SETD5: variants seen among roughly 807,000 people sequenced by gnomAD.
SETD5 encodes histone-lysine N-methyltransferase SETD5.
Under a neutral mutation model 153.3 loss-of-function variants are expected in SETD5, and 44 were observed. The ratio of observed to expected loss-of-function variants is 0.29; its 90% CI spans 0.23 to 0.37. The LOEUF is 0.37. SETD5 is among the 10% of genes least tolerant of loss of function. The pLI, the probability that SETD5 is intolerant of heterozygous loss-of-function variation, is 1.00. For missense variants in SETD5, 1,544 were observed against 1,768.0 expected, an observed-to-expected ratio of 0.87 and a Z score of 2.27; for synonymous variants, 716 against 645.2, an observed-to-expected ratio of 1.11 and a Z score of -1.66.
intron 2 of SETD5, among the ~76,000 whole-genome samples, chr3:9,426,859 A>G (rs1323305794): frequency 1.3e-5 from 2 of 152,088 alleles, no homozygotes; most frequent in Non-Finnish European, 2.9e-5. Context: ...CAGCCCAGCT[A>G]TATGTCACCT....
Position 9,475,613 on chromosome 3 carries a change from C to G in SETD5, c.3851C>G (p.Pro1284Arg). ...ACTACTGCACTGAGACCTGGAAACC[C>G]CCCCTCTCACGGTTCTTCAGAATCA... is the stretch of plus-strand genomic sequence containing the variant. ...YRTTALRPGN[P>R]PSHGSSESSL... Residue 1284 changes from proline (P) to arginine (R), a missense_variant, in exon 23 of 23, where the codon CCC (proline) becomes CGC (arginine). Transcript: ENST00000402198. 6.2e-7 allele frequency: 1 copy of G among 1,613,912 alleles called. No homozygotes were observed. The highest frequency in any genetic ancestry group is 8.5e-7 in the Non-Finnish European group (1 of 1,179,864).
intron 1 of SETD5, among the ~76,000 whole-genome samples, chr3:9,416,489 C>G (rs1335650867): frequency 6.6e-6 from 1 of 152,096 alleles, no homozygotes; most frequent in African/African-American, 2.4e-5. Flanking sequence ...TCAACAAACT[C>G]GTGTCATAAA....
rs769555032 is a variant in SETD5, at chr3:9,447,235, T to C, written c.1710T>C (p.Ser570=). 9 of 1,613,930 alleles carry C rather than the reference T, an allele frequency of 5.6e-6. No individual in the cohort carries two copies. The highest frequency in any genetic ancestry group is 3.3e-5 in the Admixed American group (2 of 60,004). Residue 570 remains serine, a synonymous_variant, in exon 14 of 23, where the codon TCT becomes TCC. Transcript: ENST00000402198. ...CCCCTGAATCTGAAGTTAGCAACTC[T>C]GTTTCAAATGTTACCATCCCAAGCA... is the stretch of plus-strand genomic sequence containing the variant. ...TEAPESEVSN[S]VSNVTIPSTP...
intron 7 of SETD5, among the ~76,000 whole-genome samples, chr3:9,437,321 T>A (rs759873014): frequency 9.9e-5 from 15 of 152,170 alleles, no homozygotes; most frequent in Non-Finnish European, 1.8e-4. Flanking sequence ...TCTTAGCATA[T>A]CTGTTTGGTG....
intron 17 of SETD5, among the ~76,000 whole-genome samples, chr3:9,456,940 C>T (rs916425136): frequency 6.6e-6 from 1 of 151,938 alleles, no homozygotes; most frequent in Non-Finnish European, 1.5e-5. Flanking sequence ...CACGCCACTG[C>T]ACTCCAGCCT....
At chr3:9,402,180 T>G (rs1285642054) in intron 1 of SETD5, among the ~76,000 whole-genome samples, 1 of 152,146 alleles carries the variant, frequency 6.6e-6, no homozygotes, top group East Asian at 1.9e-4. Context: ...TAATTATGAA[T>G]TGCGTAAAAG....
At position 9,402,032 on chromosome 3, in the gene SETD5, A is replaced by G. The variant is rs367907797; in HGVS notation, c.-177+4055A>G. 1.4e-4 allele frequency among the ~76,000 whole-genome samples: 21 copies of G among 152,344 alleles called. 1 individual carries two copies. The highest frequency in any genetic ancestry group is 7.7e-4 in the East Asian group (4 of 5,190). Reference sequence around the variant, plus strand: ...ATTCCTTACTGCCAAAAATTCCAAAATATGTGGCAAAATGATTGATTTATC... The same window carrying G: ...ATTCCTTACTGCCAAAAATTCCAAAGTATGTGGCAAAATGATTGATTTATC... On this transcript the variant is annotated intron_variant, in intron 1 of 22. Transcript: ENST00000402198.
intron 16 of SETD5, among the ~76,000 whole-genome samples, chr3:9,450,376 A>G (rs1228469911): frequency 1.3e-5 from 2 of 152,232 alleles, no homozygotes; most frequent in Non-Finnish European, 2.9e-5. Flanking sequence ...CATACACAGG[A>G]TTATCATAAC....
chr3:9,459,042 A>G (rs1228213107), intron 17 of SETD5, among the ~76,000 whole-genome samples: 2 of 152,108 alleles, frequency 1.3e-5, no homozygotes, highest in Non-Finnish European at 2.9e-5. Flanking sequence ...GGATTCGACA[A>G]ACTCTTGGAA....
At chr3:9,400,769 C>T (rs898925923) in intron 1 of SETD5, among the ~76,000 whole-genome samples, 2 of 152,082 alleles carry the variant, frequency 1.3e-5, no homozygotes, top group Non-Finnish European at 2.9e-5. Flanking sequence ...ATGCAGAAAT[C>T]GAATAAGTCT....
chr3:9,422,371 A>G (rs2038539745), intron 1 of SETD5, among the ~76,000 whole-genome samples: 1 of 152,188 alleles, frequency 6.6e-6, no homozygotes, highest in Admixed American at 6.5e-5. Flanking sequence ...AATATCTATG[A>G]AATATACTTT....
chr3:9,448,707 C>A, intron 16 of SETD5, 77 bp downstream of exon 16: 1 of 1,360,708 alleles, frequency 7.3e-7, no homozygotes, highest in South Asian at 1.6e-5. Context: ...TTCCTATCAT[C>A]ATGACATAAA....
chr3:9,421,503 A>G (rs577861320), intron 1 of SETD5, among the ~76,000 whole-genome samples: 1 of 152,294 alleles, frequency 6.6e-6, no homozygotes, highest in South Asian at 2.1e-4. Flanking sequence ...GTCATGGTAC[A>G]GCTACGGTGA....
At chr3:9,472,006 A>AAG (rs1435292226) in intron 19 of SETD5, among the ~76,000 whole-genome samples, 3 of 152,190 alleles carry the variant, frequency 2.0e-5, no homozygotes, top group Admixed American at 1.3e-4. Context: ...TGAGAACCCT[A>AAG]AGGGGATAGA....
At chr3:9,467,583 T>C (rs1442030235) in intron 18 of SETD5, among the ~76,000 whole-genome samples, 2 of 152,120 alleles carry the variant, frequency 1.3e-5, no homozygotes, top group African/African-American at 4.8e-5. Flanking sequence ...TCATTTCCCC[T>C]ACCTCAGCAT....
intron 18 of SETD5, chr3:9,468,653 G>T: frequency 8.0e-7 from 1 of 1,254,722 alleles, no homozygotes; most frequent in Non-Finnish European, 1.1e-6. Context: ...TGTGTGGGGA[G>T]GGCTGGGGAT....
intron 3 of SETD5, 117 bp from the exon 4 acceptor site, chr3:9,433,728 C>T: frequency 9.2e-7 from 1 of 1,088,220 alleles, no homozygotes; most frequent in Non-Finnish European, 1.4e-6. Flanking sequence ...AGTTCTTTCT[C>T]TTATCCTAGT....
intron 3 of SETD5, 119 bp from the exon 4 acceptor site, chr3:9,433,726 C>G (rs968237155): frequency 7.4e-6 from 8 of 1,073,944 alleles, no homozygotes; most frequent in Non-Finnish European, 1.1e-5. Context: ...CGAGTTCTTT[C>G]TCTTATCCTA....
At chr3:9,409,798 A>C (rs1048114215) in intron 1 of SETD5, among the ~76,000 whole-genome samples, 1 of 152,178 alleles carries the variant, frequency 6.6e-6, no homozygotes, top group African/African-American at 2.4e-5. Flanking sequence ...GCTGCATTTC[A>C]AACTCAGTGC....
Sources: gnomAD v4.1 joint callset for allele counts (sites outside exome capture counted in the v4.1 genomes callset) on GRCh38, gnomAD v4.1.1 for gene constraint, MANE v1.5 for transcripts, NCBI Gene and HGNC (gene_info 2026-07-23, HGNC 2026-07-21) for gene names.